TRIM2: variants seen among roughly 807,000 people sequenced by gnomAD.
TRIM2 encodes tripartite motif containing 2.
TRIM2 carries 20 observed loss-of-function variants against 75.2 expected under a neutral mutation model. The ratio of observed to expected loss-of-function variants is 0.27; its 90% CI spans 0.19 to 0.39. The LOEUF is 0.39. Ranked by LOEUF, TRIM2 falls within the 10% of genes least tolerant of loss-of-function variation. The pLI is 1.00. For missense variants in TRIM2, 660 were observed against 990.8 expected, an observed-to-expected ratio of 0.67 and a Z score of 4.48; for synonymous variants, 373 against 388.3, an observed-to-expected ratio of 0.96 and a Z score of 0.46.
chr4:153,282,802 T>A (rs1040971446), intron 3 of TRIM2, among the ~76,000 whole-genome samples: 1 of 150,598 alleles, frequency 6.6e-6, no homozygotes, highest in African/African-American at 2.5e-5. Context: ...ATTTTTTTTT[T>A]GGAGACAAAA....
At chr4:153,319,747 T>C (rs1204862057) in intron 8 of TRIM2, among the ~76,000 whole-genome samples, 2 of 151,568 alleles carry the variant, frequency 1.3e-5, no homozygotes, top group African/African-American at 2.4e-5. Flanking sequence ...AAAATATATA[T>C]ATATATTTTT....
At chr4:153,246,804 C>G (rs745903164) in intron 1 of TRIM2, among the ~76,000 whole-genome samples, 1 of 152,204 alleles carries the variant, frequency 6.6e-6, no homozygotes, top group Admixed American at 6.5e-5. Flanking sequence ...ACCCTCGGGT[C>G]AGGCCTCACC....
chr4:153,267,075 G>A (rs1755368020), intron 1 of TRIM2: 1 of 151,676 alleles, frequency 6.6e-6, no homozygotes, highest in Non-Finnish European at 1.5e-5. Context: ...TGGTAGGAAG[G>A]AAAACTATTA....
chr4:153,245,139 C>T (rs1748777753), intron 1 of TRIM2, among the ~76,000 whole-genome samples: 1 of 152,230 alleles, frequency 6.6e-6, no homozygotes, highest in South Asian at 2.1e-4. Flanking sequence ...CAGCTTGCCT[C>T]CACCTACAAA....
intron 2 of TRIM2, among the ~76,000 whole-genome samples, chr4:153,271,550 G>A (rs1756665567): frequency 6.6e-6 from 1 of 151,962 alleles, no homozygotes; most frequent in Non-Finnish European, 1.5e-5. Context: ...TGGCTTTTTT[G>A]TTTGTTTTGG....
chr4:153,160,277 C>T (rs925298563), intron 1 of TRIM2, among the ~76,000 whole-genome samples: 1 of 152,152 alleles, frequency 6.6e-6, no homozygotes, highest in Non-Finnish European at 1.5e-5. Flanking sequence ...TAACACTTTT[C>T]TACTGCTTTT....
chr4:153,327,798 C>T (rs992982112), intron 10 of TRIM2, among the ~76,000 whole-genome samples: 2 of 152,046 alleles, frequency 1.3e-5, no homozygotes, highest in African/African-American at 2.4e-5. Flanking sequence ...TCTGTTTAGC[C>T]CCCTACTTCT....
At chr4:153,331,035 A>G (rs545195765) in intron 11 of TRIM2, among the ~76,000 whole-genome samples, 41 of 152,312 alleles carry the variant, frequency 2.7e-4, no homozygotes, top group African/African-American at 9.4e-4. Context: ...ACAAAAATCA[A>G]TTATGGTCAG....
At chr4:153,284,352 C>G (rs1164830038) in intron 3 of TRIM2, among the ~76,000 whole-genome samples, 1 of 152,020 alleles carries the variant, frequency 6.6e-6, no homozygotes, top group South Asian at 2.1e-4. Context: ...AGGCGCCCAC[C>G]ACCATGCCTG....
At chr4:153,194,587 G>A (rs142307206) in intron 1 of TRIM2, among the ~76,000 whole-genome samples, 5 of 152,308 alleles carry the variant, frequency 3.3e-5, no homozygotes, top group Non-Finnish European at 5.9e-5. Context: ...GCTGGGGGAT[G>A]CAGGAAGGAC....
intron 1 of TRIM2, among the ~76,000 whole-genome samples, chr4:153,241,068 C>T (rs564161341): frequency 1.4e-4 from 22 of 152,298 alleles, no homozygotes; most frequent in Admixed American, 3.9e-4. Flanking sequence ...CAGAGCGAGA[C>T]TCCCTCTCAG....
chr4:153,324,257 G>T (rs1383113513), intron 10 of TRIM2, 109 bp downstream of exon 10: 2 of 894,462 alleles, frequency 2.2e-6, no homozygotes, highest in Non-Finnish European at 1.7e-6. Flanking sequence ...GAGTTAACCA[G>T]CAGAGTAGAC....
intron 6 of TRIM2, among the ~76,000 whole-genome samples, chr4:153,306,884 C>T (rs954280581): frequency 2.9e-4 from 44 of 152,224 alleles, no homozygotes; most frequent in African/African-American, 9.2e-4. Flanking sequence ...ACTAGGGCAA[C>T]ATATAATTAT....
intron 7 of TRIM2, 106 bp downstream of exon 7, chr4:153,315,694 C>T: frequency 2.1e-6 from 3 of 1,443,604 alleles, no homozygotes; most frequent in East Asian, 4.6e-5. Flanking sequence ...AGGAAAAAAG[C>T]TTATGTTTAT....
chr4:153,320,668 T>C (rs987990213), intron 8 of TRIM2, among the ~76,000 whole-genome samples: 2 of 152,234 alleles, frequency 1.3e-5, no homozygotes, highest in East Asian at 1.9e-4. Context: ...AGTCTCGCTC[T>C]GTCACCCAGG....
chr4:153,207,896 G>GTCCC (rs1424407161), intron 1 of TRIM2, among the ~76,000 whole-genome samples: 2 of 152,192 alleles, frequency 1.3e-5, no homozygotes, highest in African/African-American at 4.8e-5. Context: ...CTCATGAGCC[G>GTCCC]TAAGTTAAAC....
At chr4:153,176,745 G>A (rs1471352509) in intron 1 of TRIM2, among the ~76,000 whole-genome samples, 1 of 152,028 alleles carries the variant, frequency 6.6e-6, no homozygotes, top group Admixed American at 6.5e-5. Flanking sequence ...CAAGTAGCTG[G>A]GACCACAGGT....
chr4:153,185,126 C>T (rs1732466064), intron 1 of TRIM2, among the ~76,000 whole-genome samples: 1 of 152,164 alleles, frequency 6.6e-6, no homozygotes, highest in South Asian at 2.1e-4. Flanking sequence ...TTAACGCATT[C>T]TTCCTGTGTA....
chr4:153,260,006 T>C (rs1202330152), intron 1 of TRIM2, among the ~76,000 whole-genome samples: 3 of 152,234 alleles, frequency 2.0e-5, no homozygotes, highest in African/African-American at 7.2e-5. Flanking sequence ...TCTTTAAACA[T>C]TATTAATTTA....
Sources: gnomAD v4.1 joint callset for allele counts (sites outside exome capture counted in the v4.1 genomes callset) on GRCh38, gnomAD v4.1.1 for gene constraint, MANE v1.5 for transcripts, NCBI Gene and HGNC (gene_info 2026-07-23, HGNC 2026-07-21) for gene names.